The following LYZL2 variants were observed in gnomAD, a reference collection of about 807,000 sequenced individuals.
LYZL2 encodes the protein lysozyme like 2, also known as lysozyme-like protein 2.
LYZL2 carries 13 observed loss-of-function variants against 17.1 expected under a neutral mutation model. That is an observed-to-expected ratio of 0.76 (90% CI 0.49 to 1.21). LYZL2 has a LOEUF of 1.21. LYZL2 is among the 50% of genes most tolerant of loss of function. The pLI is 0.00. For synonymous variants in LYZL2, 63 were observed against 74.4 expected (o/e 0.85, Z 0.79); for missense variants, 166 against 189.2 (o/e 0.88, Z 0.72).
At chr10:30,616,886 GTAATTATTTACTTTTAATA>G (rs1838535957) in intron 3 of LYZL2, among the ~76,000 whole-genome samples, 2 of 19,648 alleles carry the variant, frequency 1.0e-4, no homozygotes, top group South Asian at 1.6e-3. Flanking sequence ...AATTTTTCTA[GTAATTATTTACTTTTAATA>G]TACTTTTAAT....
chr10:30,627,032 T>G, intron 1 of LYZL2, 92 bp from the exon 2 acceptor site: 1 of 1,540,090 alleles, frequency 6.5e-7, no homozygotes, highest in Non-Finnish European at 8.7e-7. Context: ...GCCTAGATGC[T>G]GCCTGTCACT....
intron 3 of LYZL2, among the ~76,000 whole-genome samples, chr10:30,617,148 T>A (rs1257275402): frequency 4.6e-5 from 7 of 152,086 alleles, no homozygotes; most frequent in Admixed American, 4.6e-4. Flanking sequence ...CATTCTATTA[T>A]TCTGGGATTG....
intron 1 of LYZL2, among the ~76,000 whole-genome samples, chr10:30,628,099 G>A (rs1478834640): frequency 8.5e-5 from 13 of 152,110 alleles, no homozygotes; most frequent in Non-Finnish European, 1.3e-4. Context: ...GGCTGAGCTT[G>A]CAGTGAGCGG....
downstream of LYZL2, among the ~76,000 whole-genome samples, chr10:30,610,399 T>C (rs1413765178): frequency 6.6e-6 from 1 of 152,160 alleles, no homozygotes; most frequent in Non-Finnish European, 1.5e-5. Flanking sequence ...TGCGGGGACA[T>C]GGATGAACCT....
chr10:30,617,694 A>AAG (rs1554785568), intron 3 of LYZL2, among the ~76,000 whole-genome samples: 3 of 137,482 alleles, frequency 2.2e-5, no homozygotes, highest in Non-Finnish European at 3.1e-5. Flanking sequence ...AAAAAAAAAA[A>AAG]AAAAGAAAAG....
chr10:30,608,902 C>G (rs11008145), downstream of LYZL2, among the ~76,000 whole-genome samples: 1 of 152,064 alleles, frequency 6.6e-6, no homozygotes, highest in Non-Finnish European at 1.5e-5. Flanking sequence ...TGCAGTGGCT[C>G]GATCATAGTT....
chr10:30,609,415 A>G (rs1588671206), downstream of LYZL2, among the ~76,000 whole-genome samples: 1 of 152,254 alleles, frequency 6.6e-6, no homozygotes, highest in Non-Finnish European at 1.5e-5. Flanking sequence ...GGGAAAAACC[A>G]GGAGCAAGGA....
intron 3 of LYZL2, among the ~76,000 whole-genome samples, chr10:30,613,684 A>G (rs1838483773): frequency 6.6e-6 from 1 of 152,120 alleles, no homozygotes; most frequent in Non-Finnish European, 1.5e-5. Flanking sequence ...CTTTTAAATC[A>G]AATACACCAG....
rs114955430 is a variant in LYZL2 at position 30,625,103 on chromosome 10, A to G, written c.298+1002T>C. ...AATGAGCAAGGACATGGATTTTCCT[A>G]CAGAGCCTCCAGAAAGGAAAACAGG... On this transcript the variant is annotated intron_variant, in intron 3 of 4. Transcript: ENST00000647634. Among the ~76,000 whole-genome samples the G allele has an allele frequency of 7.6e-3, 1,154 of 152,246 alleles. 9 individuals carry two copies. The highest frequency in any genetic ancestry group is 0.023 in the African/African-American group (947 of 41,538).
rs1219183373 is a variant in LYZL2, at chr10:30,611,943, T to C, written c.*12A>G. ...GGGCGTTGCTGCAAAGCATCCTGGG[T>C]CCAGTTCCAGTTTAGGAAACCTCAC... On this transcript the variant is annotated 3_prime_UTR_variant, in exon 5 of 5. Transcript: ENST00000647634. 1.2e-6 allele frequency: 2 copies of C among 1,614,180 alleles called. No individual in the cohort carries two copies. The highest frequency in any genetic ancestry group is 1.7e-6 in the Non-Finnish European group (2 of 1,180,032).
At chr10:30,611,584 A>G (rs2132931535), downstream of LYZL2, among the ~76,000 whole-genome samples, 1 of 122,516 alleles carries the variant, frequency 8.2e-6, no homozygotes, top group South Asian at 3.0e-4. Flanking sequence ...AGAAAGAAAG[A>G]AAGAAAGAAA....
At chr10:30,626,537 T>A (rs1471691819) in intron 2 of LYZL2, among the ~76,000 whole-genome samples, 1 of 152,116 alleles carries the variant, frequency 6.6e-6, no homozygotes, top group Admixed American at 6.5e-5. Context: ...AGAGGTGGCA[T>A]TATTTTCCCC....
At chr10:30,611,702 A>AAAAGAAAGAAAGAAAGAAAG (rs374528139), downstream of LYZL2, 1,352 of 391,782 alleles carry the variant, frequency 3.5e-3, 27 homozygotes, top group African/African-American at 0.027. Flanking sequence ...GAAAGAAAGA[A>AAAAGAAAGAAAGAAAGAAAG]AAAGAAAGAA....
intron 3 of LYZL2, among the ~76,000 whole-genome samples, chr10:30,617,244 C>T (rs1704208578): frequency 6.6e-6 from 1 of 152,136 alleles, no homozygotes; most frequent in Admixed American, 6.5e-5. Context: ...TGTAAGGATT[C>T]CTGAAAGGGT....
intron 3 of LYZL2, among the ~76,000 whole-genome samples, chr10:30,614,260 G>A (rs1358569445): frequency 1.2e-4 from 19 of 152,204 alleles, no homozygotes; most frequent in African/African-American, 3.6e-4. Flanking sequence ...GAAAGGAATC[G>A]GCTGGGGGGA....
intron 1 of LYZL2, 132 bp downstream of exon 1, chr10:30,629,461 A>G: frequency 1.2e-6 from 1 of 819,024 alleles, no homozygotes; most frequent in Non-Finnish European, 1.9e-6. Flanking sequence ...TAGAATGTTA[A>G]CTGATCTCAA....
chr10:30,619,113 C>T (rs908413323), intron 3 of LYZL2, among the ~76,000 whole-genome samples: 3 of 152,160 alleles, frequency 2.0e-5, no homozygotes, highest in Admixed American at 6.5e-5. Flanking sequence ...AATGCAAATC[C>T]AAACCACAAT....
chr10:30,626,207 C>G lies in LYZL2; in HGVS notation c.196G>C (p.Asp66His). 1 of 1,614,264 alleles carries G rather than the reference C, an allele frequency of 6.2e-7. No homozygotes were observed. The highest frequency in any genetic ancestry group is 8.5e-7 in the Non-Finnish European group (1 of 1,180,042). Reference protein sequence around the residue: ...GYNTTAQTVLDDGSIDYGIFQ... With the variant: ...GYNTTAQTVLHDGSIDYGIFQ... ...ATGCCGTAGTCGATGCTGCCGTCAT[C>G]CAGGACCGTCTGGGCTGTGGTGTTG... Residue 66 changes from aspartate to histidine, a missense_variant, in exon 3 of 5, where the codon GAT (aspartate) becomes CAT (histidine). Physicochemically the swap from Asp to His is moderately conservative, Grantham distance 81. Around this residue, in one of 2 missense-constraint regions of LYZL2, gnomAD observed 134 missense variants for 129.4 expected, o/e 1.04. Coordinates refer to ENST00000647634, the MANE Select transcript of LYZL2 (RefSeq NM_183058.3).
At chr10:30,617,401 C>T (rs190724160) in intron 3 of LYZL2, among the ~76,000 whole-genome samples, 244 of 152,130 alleles carry the variant, frequency 1.6e-3, no homozygotes, top group African/African-American at 5.5e-3. Flanking sequence ...GTCGACCGGG[C>T]GCGGCGGCTC....
Sources: gnomAD v4.1 joint callset for allele counts (sites outside exome capture counted in the v4.1 genomes callset) on GRCh38, gnomAD v4.1.1 for gene constraint, gnomAD v4.1.1 regional missense constraint, MANE v1.5 for transcripts, NCBI Gene and HGNC (gene_info 2026-07-23, HGNC 2026-07-21) for gene names.